Variants in SOX5 observed in about 807,000 individuals in gnomAD.
SOX5 encodes the protein SRY-box transcription factor 5, also known as transcription factor SOX-5.
In SOX5, 9 loss-of-function variants were observed where a neutral mutation model predicts 92.0. The ratio of observed to expected loss-of-function variants is 0.10; its 90% CI spans 0.06 to 0.17. The LOEUF is 0.17. SOX5 is among the 10% of genes least tolerant of loss of function. The probability of loss-of-function intolerance (pLI) is 1.00; values close to 1 mark genes in which losing one functional copy is unlikely to be tolerated. For synonymous variants in SOX5, 344 were observed against 336.3 expected (o/e 1.02, Z -0.25); for missense variants, 642 against 944.5 (o/e 0.68, Z 4.20).
intron 1 of SOX5, among the ~76,000 whole-genome samples, chr12:23,921,384 A>T (rs966855431): frequency 2.3e-3 from 334 of 146,928 alleles, no homozygotes; most frequent in African/African-American, 7.8e-3. Context: ...ATGATCTTTA[A>T]AAAAAAAAAA....
chr12:24,146,167 C>T (rs1459062101), intron 4 of SOX5, among the ~76,000 whole-genome samples: 1 of 152,008 alleles, frequency 6.6e-6, no homozygotes, highest in Non-Finnish European at 1.5e-5. Flanking sequence ...ACGTTCTACC[C>T]AACAGTAGCA....
intron 4 of SOX5, among the ~76,000 whole-genome samples, chr12:24,069,574 T>A (rs770628483): frequency 6.6e-6 from 1 of 152,162 alleles, no homozygotes; most frequent in African/African-American, 2.4e-5. Context: ...CAGTGACAGA[T>A]CAGTGTATCT....
intron 4 of SOX5, among the ~76,000 whole-genome samples, chr12:24,117,394 A>G (rs1388172208): frequency 6.6e-6 from 1 of 152,218 alleles, no homozygotes; most frequent in African/African-American, 2.4e-5. Flanking sequence ...TTTGGAGAAC[A>G]GTATGGAGGT....
At chr12:24,450,470 T>TTTTACTTA (rs1555300496) in intron 1 of SOX5, among the ~76,000 whole-genome samples, 1 of 145,786 alleles carries the variant, frequency 6.9e-6, no homozygotes, top group Non-Finnish European at 1.5e-5. Context: ...TGTGTATTTA[T>TTTTACTTA]TTTATTTATT....
intron 3 of SOX5, among the ~76,000 whole-genome samples, chr12:24,258,373 C>T (rs183354317): frequency 1.2e-4 from 19 of 152,212 alleles, no homozygotes; most frequent in Admixed American, 3.3e-4. Flanking sequence ...TCATTTTAGA[C>T]GACATCATGC....
At chr12:23,936,023 A>T (rs1216439228) in intron 1 of SOX5, among the ~76,000 whole-genome samples, 1 of 150,940 alleles carries the variant, frequency 6.6e-6, no homozygotes, top group Non-Finnish European at 1.5e-5. Flanking sequence ...GAAATGAGGT[A>T]AAAAAATAAG....
At chr12:24,018,158 T>A (rs551631971) in intron 4 of SOX5, among the ~76,000 whole-genome samples, 1 of 152,308 alleles carries the variant, frequency 6.6e-6, no homozygotes, top group East Asian at 1.9e-4. Context: ...ATTCTTCTTT[T>A]CAGCCCAGCT....
chr12:24,408,366 AAC>A (rs1488779941), intron 1 of SOX5, among the ~76,000 whole-genome samples: 1 of 152,164 alleles, frequency 6.6e-6, no homozygotes, highest in Non-Finnish European at 1.5e-5. Context: ...GTTACAAAAA[AAC>A]ACAGAGAGAT....
At chr12:24,293,934 T>C (rs772386982) in intron 2 of SOX5, among the ~76,000 whole-genome samples, 8 of 152,200 alleles carry the variant, frequency 5.3e-5, no homozygotes, top group Non-Finnish European at 1.0e-4. Flanking sequence ...ATAAATCAAC[T>C]TGTCACAAAA....
chr12:23,552,274 T>A (rs940422722), intron 11 of SOX5, among the ~76,000 whole-genome samples: 1 of 151,842 alleles, frequency 6.6e-6, no homozygotes, highest in Non-Finnish European at 1.5e-5. Flanking sequence ...GAGCACTTGG[T>A]AGAGGTTGTG....
intron 4 of SOX5, among the ~76,000 whole-genome samples, chr12:24,013,042 A>G (rs1382191334): frequency 1.3e-5 from 2 of 152,180 alleles, no homozygotes. Context: ...CATGAACAAA[A>G]AAAGTTTCTG....
intron 3 of SOX5, among the ~76,000 whole-genome samples, chr12:23,816,776 C>G (rs1216016813): frequency 6.6e-6 from 1 of 152,126 alleles, no homozygotes; most frequent in Non-Finnish European, 1.5e-5. Context: ...AGGAAGTGAG[C>G]TCACTATGGC....
chr12:23,882,337 G>A (rs888709344), intron 2 of SOX5, among the ~76,000 whole-genome samples: 4 of 150,916 alleles, frequency 2.7e-5, no homozygotes, highest in Admixed American at 1.3e-4. Context: ...GGAATTTTAA[G>A]TGAAATGAAA....
chr12:24,187,772 A>AG (rs1956159453), intron 4 of SOX5, among the ~76,000 whole-genome samples: 2 of 152,136 alleles, frequency 1.3e-5, no homozygotes, highest in Non-Finnish European at 1.5e-5. Flanking sequence ...TTCTGACATG[A>AG]GAAAAAAAAT....
At chr12:23,738,732 T>A (rs1338158769) in intron 5 of SOX5, among the ~76,000 whole-genome samples, 1 of 152,174 alleles carries the variant, frequency 6.6e-6, no homozygotes, top group African/African-American at 2.4e-5. Flanking sequence ...ATAGGGGTTA[T>A]CTACAAAAAA....
chr12:24,384,038 G>A (rs908324104), intron 1 of SOX5, among the ~76,000 whole-genome samples: 7 of 152,002 alleles, frequency 4.6e-5, no homozygotes, highest in South Asian at 2.1e-4. Flanking sequence ...TCTCTCTCAC[G>A]TGCTGCCATG....
intron 4 of SOX5, among the ~76,000 whole-genome samples, chr12:24,105,288 C>T (rs945277537): frequency 3.3e-5 from 5 of 152,022 alleles, no homozygotes; most frequent in African/African-American, 1.2e-4. Context: ...CGCCTGTAAT[C>T]CCAGCATTTT....
At chr12:24,376,708 T>C (rs1957312229) in intron 1 of SOX5, among the ~76,000 whole-genome samples, 1 of 36,220 alleles carries the variant, frequency 2.8e-5, no homozygotes. Context: ...TTTTTTTTTT[T>C]TTTTTTTTTT....
intron 2 of SOX5, among the ~76,000 whole-genome samples, chr12:23,871,800 G>A (rs913407569): frequency 2.0e-5 from 3 of 151,974 alleles, no homozygotes; most frequent in African/African-American, 7.2e-5. Flanking sequence ...AATCAAAACA[G>A]GATCATGAGA....
Sources: allele counts gnomAD v4.1 joint callset (sites outside exome capture counted in the v4.1 genomes callset), GRCh38; gene constraint gnomAD v4.1.1; transcripts MANE v1.5; gene names NCBI Gene and HGNC (gene_info 2026-07-23, HGNC 2026-07-21).